The following ZNF69 variants were observed in gnomAD, a reference collection of about 807,000 sequenced individuals.
ZNF69 encodes the protein zinc finger protein 69.
In ZNF69, 47 loss-of-function variants were observed where a neutral mutation model predicts 50.9. That is an observed-to-expected ratio of 0.92 (90% CI 0.73 to 1.18). The LOEUF is 1.18. Ranked by LOEUF, ZNF69 falls within the 50% of genes most tolerant of loss-of-function variation. ZNF69 has a pLI of 0.00. For missense variants in ZNF69, 717 were observed against 675.1 expected, an observed-to-expected ratio of 1.06 and a Z score of -0.69; for synonymous variants, 216 against 223.1, an observed-to-expected ratio of 0.97 and a Z score of 0.29.
chr19:11,938,567 TC>T, the ZNF69 span, among the ~76,000 whole-genome samples: 1 of 152,192 alleles, frequency 6.6e-6, no homozygotes, highest in Admixed American at 6.5e-5. Context: ...CATGAACTCA[TC>T]CTTTTTTGTG....
rs546269531 is a variant in ZNF69 at position 11,900,731 on chromosome 19, A to T, written c.64-2842A>T. On this transcript the variant is annotated intron_variant, in intron 1 of 3. Transcript: ENST00000429654. ...TATACCTTTTGGGTACAAATCCTTG[A>T]TCAGATAGGTGTCTTGCAAATATTT... 2.0e-5 allele frequency among the ~76,000 whole-genome samples: 3 copies of T among 152,278 alleles called. No homozygotes were observed. The East Asian group carries it at 5.8e-4, about 29-fold the overall frequency.
At chr19:11,922,924 T>C in the ZNF69 span, among the ~76,000 whole-genome samples, 2 of 151,938 alleles carry the variant, frequency 1.3e-5, no homozygotes, top group African/African-American at 2.4e-5. Flanking sequence ...GTGATCCTCC[T>C]GCCTCAGCCT....
the ZNF69 span, among the ~76,000 whole-genome samples, chr19:11,936,389 G>A: frequency 7.9e-5 from 12 of 152,204 alleles, no homozygotes; most frequent in South Asian, 4.1e-4. Context: ...TCTAACTGGC[G>A]TGAGATGGTA....
intron 4 of ZNF69, among the ~76,000 whole-genome samples, chr19:11,911,796 G>A (rs1022071576): frequency 1.3e-5 from 2 of 152,214 alleles, no homozygotes; most frequent in East Asian, 3.9e-4. Flanking sequence ...TTGTGCACAT[G>A]TACCCTAGAA....
chr19:11,913,568 T>G (rs1972489808), exon 5 of ZNF69: 3 of 360,518 alleles, frequency 8.3e-6, no homozygotes, highest in Non-Finnish European at 1.5e-5. Flanking sequence ...TTTTGTATTT[T>G]TTAGTAGAGA....
chr19:11,900,717 G>C (rs891467485), intron 1 of ZNF69, among the ~76,000 whole-genome samples: 3 of 152,032 alleles, frequency 2.0e-5, no homozygotes, highest in Non-Finnish European at 4.4e-5. Flanking sequence ...ATACCTTTTG[G>C]GTACAAATCC....
chr19:11,920,645 T>A, the ZNF69 span, among the ~76,000 whole-genome samples: 4 of 972 alleles, frequency 4.1e-3, no homozygotes, highest in African/African-American at 6.5e-3. Context: ...CCCAGCACTT[T>A]GGGAGGCTGA....
chr19:11,954,996 ATTTTTTT>A, the ZNF69 span, among the ~76,000 whole-genome samples: 7 of 101,714 alleles, frequency 6.9e-5, no homozygotes, highest in South Asian at 3.1e-4. Context: ...TTTCAAAAAA[ATTTTTTT>A]TTTTTTTTTT....
the ZNF69 span, among the ~76,000 whole-genome samples, chr19:11,961,995 G>T: frequency 1.3e-5 from 2 of 151,142 alleles, no homozygotes; most frequent in Non-Finnish European, 2.9e-5. Context: ...AAAATAAATA[G>T]AAACTAGGTC....
intron 1 of ZNF69, among the ~76,000 whole-genome samples, chr19:11,901,190 T>C (rs1972236186): frequency 6.6e-6 from 1 of 152,196 alleles, no homozygotes; most frequent in Non-Finnish European, 1.5e-5. Context: ...GCATTTTTAG[T>C]ACATGTCTTT....
chr19:11,925,820 AGACC>A, the ZNF69 span, among the ~76,000 whole-genome samples: 99 of 152,212 alleles, frequency 6.5e-4, no homozygotes, highest in Non-Finnish European at 1.3e-3. Flanking sequence ...CGAATAGGAG[AGACC>A]TTGGCCGAGG....
At chr19:11,889,706 G>C (rs1977035954) in intron 1 of ZNF69, among the ~76,000 whole-genome samples, 2 of 152,236 alleles carry the variant, frequency 1.3e-5, no homozygotes, top group Admixed American at 1.3e-4. Context: ...CAGAGACGAA[G>C]TATAGGGAAA....
At position 11,905,560 on chromosome 19, in the gene ZNF69, A is replaced by C. The variant is rs530550020; in HGVS notation, c.1163A>C (p.Tyr388Ser). The change falls in exon 4 of 4, where the codon TAT (tyrosine) becomes TCT (serine). Residue 388 changes from tyrosine (Y) to serine (S), a missense_variant. Coordinates refer to ENST00000429654, the MANE Select transcript of ZNF69 (RefSeq NM_001364730.1). ...HEKTHSGEKP[Y>S]KCKQCGKAFI... ...AAAACTCACAGTGGAGAGAAACCCT[A>C]TAAATGCAAGCAATGTGGTAAAGCC... The C allele has an allele frequency of 5.0e-6, 8 of 1,613,914 alleles. No homozygotes were observed. The highest frequency in any genetic ancestry group is 2.2e-5 in the South Asian group (2 of 91,078).
At chr19:11,935,306 G>A in the ZNF69 span, among the ~76,000 whole-genome samples, 534 of 135,548 alleles carry the variant, frequency 3.9e-3, 1 homozygote, top group Non-Finnish European at 5.9e-3. Context: ...GTGTAATCTC[G>A]GCTCACTGCA....
chr19:11,911,788 G>A (rs1413797865), intron 4 of ZNF69, among the ~76,000 whole-genome samples: 1 of 152,028 alleles, frequency 6.6e-6, no homozygotes, highest in Non-Finnish European at 1.5e-5. Flanking sequence ...CCTGCACATT[G>A]TGCACATGTA....
At chr19:11,966,028 G>T in the ZNF69 span, among the ~76,000 whole-genome samples, 1 of 152,156 alleles carries the variant, frequency 6.6e-6, no homozygotes, top group Non-Finnish European at 1.5e-5. Flanking sequence ...GCTGAAGGAA[G>T]GGGGTCTGTT....
Position 11,905,326 on chromosome 19 carries a change from G to C in ZNF69, c.929G>C (p.Gly310Ala). ...GEKAYQCKEC[G>A]KAFTCPQYVR... ...AAGGCTTATCAATGTAAGGAATGTG[G>C]AAAAGCATTCACGTGTCCCCAGTAT... is the stretch of plus-strand genomic sequence containing the variant. Residue 310 changes from glycine (G) to alanine (A), a missense_variant, in exon 4 of 4, where the codon GGA (glycine) becomes GCA (alanine). By Grantham distance (60) the Gly-to-Ala change is moderately conservative. Coordinates refer to ENST00000429654, the MANE Select transcript of ZNF69 (RefSeq NM_001364730.1). The C allele has an allele frequency of 6.2e-7, 1 of 1,614,148 alleles. No individual in the cohort carries two copies. The highest frequency in any genetic ancestry group is 8.5e-7 in the Non-Finnish European group (1 of 1,180,032).
At chr19:11,889,760 G>T (rs1273532814) in intron 1 of ZNF69, among the ~76,000 whole-genome samples, 1 of 152,206 alleles carries the variant, frequency 6.6e-6, no homozygotes, top group African/African-American at 2.4e-5. Flanking sequence ...GCGAGGACCT[G>T]CACCGGCGCT....
intron 1 of ZNF69, among the ~76,000 whole-genome samples, chr19:11,898,560 T>G (rs1484086492): frequency 1.3e-5 from 2 of 151,962 alleles, no homozygotes; most frequent in Non-Finnish European, 2.9e-5. Context: ...CCAACTAATT[T>G]TTGTATTTTT....
Sources: allele counts gnomAD v4.1 joint callset (sites outside exome capture counted in the v4.1 genomes callset), GRCh38; gene constraint gnomAD v4.1.1; transcripts MANE v1.5; gene names NCBI Gene and HGNC (gene_info 2026-07-23, HGNC 2026-07-21).